The following FHIT variants were observed in gnomAD, a reference collection of about 807,000 sequenced individuals.
The protein encoded by FHIT is fragile histidine triad diadenosine triphosphatase, also known as bis(5'-adenosyl)-triphosphatase.
Under a neutral mutation model 17.9 loss-of-function variants are expected in FHIT, and 19 were observed. That is an observed-to-expected ratio of 1.06 (90% CI 0.74 to 1.56). The LOEUF (loss-of-function observed/expected upper bound fraction) is 1.56, where lower values mean the gene tolerates loss of function less well. FHIT is among the 40% of genes most tolerant of loss of function. The pLI is 0.00. For synonymous variants in FHIT, 81 were observed against 69.7 expected (o/e 1.16, Z -0.81); for missense variants, 248 against 189.2 (o/e 1.31, Z -1.82).
chr3:60,150,215 T>C (rs1451973806), intron 5 of FHIT, among the ~76,000 whole-genome samples: 1 of 152,048 alleles, frequency 6.6e-6, no homozygotes, highest in Non-Finnish European at 1.5e-5. Flanking sequence ...CAGGCTGGTC[T>C]CGAGCTCCTG....
intron 5 of FHIT, among the ~76,000 whole-genome samples, chr3:60,051,343 T>G (rs1400092369): frequency 6.7e-6 from 1 of 148,240 alleles, no homozygotes; most frequent in Non-Finnish European, 1.5e-5. Flanking sequence ...TTTTTTTTTT[T>G]GTAACAGCAG....
At chr3:59,986,498 A>AATAT (rs74199531) in intron 7 of FHIT, among the ~76,000 whole-genome samples, 16 of 62,322 alleles carry the variant, frequency 2.6e-4, no homozygotes, top group African/African-American at 8.5e-4. Flanking sequence ...AGTAGTCCAA[A>AATAT]ATATATATAT....
chr3:60,252,435 C>T (rs1373145744), intron 5 of FHIT, among the ~76,000 whole-genome samples: 1 of 151,938 alleles, frequency 6.6e-6, no homozygotes, highest in Non-Finnish European at 1.5e-5. Flanking sequence ...ATAATGGCAA[C>T]TGCCTGTAGT....
At position 59,899,678 on chromosome 3, in the gene FHIT, C is replaced by CAA. The variant is rs199936591; in HGVS notation, c.348+22666_348+22667dup. 4.9e-4 allele frequency among the ~76,000 whole-genome samples: 71 copies of CAA among 143,970 alleles called. 2 individuals carry two copies. The highest frequency in any genetic ancestry group is 8.8e-4 in the South Asian group (4 of 4,538). 94.4% of individuals were successfully genotyped at this position (143,970 alleles called of 152,430 possible). ...GCGAAACCCCGTCTGTACTAAAATACAAAAAAACAAAAAAAAAATTAGCTG... is the reference window on the plus strand; with the variant it reads ...GCGAAACCCCGTCTGTACTAAAATACAAAAAAAAACAAAAAAAAAATTAGCTG... On this transcript the variant is annotated intron_variant, in intron 8 of 9. Transcript: ENST00000492590.
At chr3:60,218,553 T>C (rs978902150) in intron 5 of FHIT, among the ~76,000 whole-genome samples, 1 of 152,140 alleles carries the variant, frequency 6.6e-6, no homozygotes, top group African/African-American at 2.4e-5. Flanking sequence ...CTTTAAACTT[T>C]CAAGGCAAAG....
In FHIT at chr3:61,171,873, A is replaced by G. The variant is rs141202714; in HGVS notation, c.-164+28744T>C. On this transcript the variant is annotated intron_variant, in intron 2 of 9. Coordinates refer to ENST00000492590, the MANE Select transcript of FHIT (RefSeq NM_002012.4). ...TTATGTACATGAAAGTTTGAAAACC[A>G]TGGATCCAGAAGTGTGTGAAAACAT... Among the ~76,000 whole-genome samples, 7 of 152,344 alleles carry G rather than the reference A, an allele frequency of 4.6e-5. No individual in the cohort carries two copies. The East Asian group carries it at 7.7e-4, about 17-fold the overall frequency.
chr3:61,127,322 C>T (rs1459367523), intron 2 of FHIT, among the ~76,000 whole-genome samples: 2 of 152,094 alleles, frequency 1.3e-5, no homozygotes, highest in African/African-American at 4.8e-5. Context: ...GTTTGTTCTG[C>T]CACTCAGTTG....
intron 2 of FHIT, among the ~76,000 whole-genome samples, chr3:61,192,316 G>T (rs943938367): frequency 6.6e-6 from 1 of 152,152 alleles, no homozygotes; most frequent in African/African-American, 2.4e-5. Flanking sequence ...AATGTAACTT[G>T]GTAGAGCAAT....
intron 5 of FHIT, among the ~76,000 whole-genome samples, chr3:60,465,009 T>C (rs2032705571): frequency 6.6e-6 from 1 of 152,172 alleles, no homozygotes; most frequent in South Asian, 2.1e-4. Flanking sequence ...CAACGTCCTC[T>C]CCAGCACTTG....
chr3:60,845,971 G>C (rs1246527575), intron 3 of FHIT, among the ~76,000 whole-genome samples: 1 of 152,242 alleles, frequency 6.6e-6, no homozygotes. Context: ...AAAAATAAAA[G>C]AAAACCTTGT....
chr3:60,586,991 A>G (rs1448958152), intron 4 of FHIT, among the ~76,000 whole-genome samples: 1 of 152,140 alleles, frequency 6.6e-6, no homozygotes, highest in Non-Finnish European at 1.5e-5. Flanking sequence ...CCCTGAACCT[A>G]AAATAAAAAT....
chr3:60,762,952 A>G (rs1575493567), intron 4 of FHIT, among the ~76,000 whole-genome samples: 1 of 152,130 alleles, frequency 6.6e-6, no homozygotes, highest in Non-Finnish European at 1.5e-5. Flanking sequence ...CTTAAAATCG[A>G]TCATCTCTGT....
At chr3:60,179,331 A>C (rs1340301417) in intron 5 of FHIT, among the ~76,000 whole-genome samples, 1 of 152,254 alleles carries the variant, frequency 6.6e-6, no homozygotes, top group Non-Finnish European at 1.5e-5. Flanking sequence ...CCTTTCCCCT[A>C]TATCACAGTG....
At chr3:60,939,959 A>C (rs1449224435) in intron 3 of FHIT, among the ~76,000 whole-genome samples, 1 of 152,100 alleles carries the variant, frequency 6.6e-6, no homozygotes, top group Admixed American at 6.5e-5. Flanking sequence ...GAAAAATCAT[A>C]TTGTACTTTT....
At chr3:61,011,457 A>G (rs923516567) in intron 3 of FHIT, among the ~76,000 whole-genome samples, 1 of 152,126 alleles carries the variant, frequency 6.6e-6, no homozygotes, top group Non-Finnish European at 1.5e-5. Flanking sequence ...AAATCCTCAG[A>G]ACATATATGA....
intron 5 of FHIT, among the ~76,000 whole-genome samples, chr3:60,466,247 G>T (rs191874664): frequency 6.6e-6 from 1 of 151,940 alleles, no homozygotes; most frequent in East Asian, 1.9e-4. Context: ...TCTTGCAACT[G>T]TACTCAATTT....
At chr3:60,097,024 T>TTAAA (rs772800549) in intron 5 of FHIT, among the ~76,000 whole-genome samples, 5 of 127,238 alleles carry the variant, frequency 3.9e-5, no homozygotes, top group East Asian at 2.8e-4. Context: ...CTGTTATTAT[T>TTAAA]AAAAAAAAAA....
intron 8 of FHIT, among the ~76,000 whole-genome samples, chr3:59,861,561 C>T (rs1362958281): frequency 1.3e-5 from 2 of 152,150 alleles, no homozygotes; most frequent in East Asian, 3.9e-4. Context: ...TAATCACTAA[C>T]TAAAAATATT....
intron 5 of FHIT, among the ~76,000 whole-genome samples, chr3:60,321,779 C>T (rs1407562337): frequency 6.6e-6 from 1 of 152,288 alleles, no homozygotes; most frequent in Non-Finnish European, 1.5e-5. Flanking sequence ...GATGAAGGTG[C>T]TGGCAGCTTC....
Sources: allele counts gnomAD v4.1 joint callset (sites outside exome capture counted in the v4.1 genomes callset), GRCh38; gene constraint gnomAD v4.1.1; transcripts MANE v1.5; gene names NCBI Gene and HGNC (gene_info 2026-07-23, HGNC 2026-07-21).